The following MBNL2 variants were observed in gnomAD, a reference collection of about 807,000 sequenced individuals.
MBNL2 encodes muscleblind-like protein 2.
MBNL2 carries 17 observed loss-of-function variants against 41.9 expected under a neutral mutation model. That is an observed-to-expected ratio of 0.41 (90% CI 0.28 to 0.61). MBNL2 has a LOEUF of 0.61. MBNL2 is among the 20% of genes least tolerant of loss of function. MBNL2 has a pLI of 0.35. For synonymous variants in MBNL2, 195 were observed against 182.9 expected, an observed-to-expected ratio of 1.07 and a Z score of -0.53; for missense variants, 336 against 505.6, an observed-to-expected ratio of 0.66 and a Z score of 3.22.
At chr13:97,146,293 G>A in the MBNL2 span, among the ~76,000 whole-genome samples, 1,071 of 151,980 alleles carry the variant, frequency 7.0e-3, 4 homozygotes, top group Non-Finnish European at 0.012. Context: ...GAGCCATCGC[G>A]CCCAGCAGGT....
At chr13:97,336,293 A>G (rs953824902) in intron 3 of MBNL2, among the ~76,000 whole-genome samples, 14 of 152,152 alleles carry the variant, frequency 9.2e-5, no homozygotes, top group Non-Finnish European at 2.1e-4. Context: ...AAAATTACCA[A>G]CTCTACAAAC....
the MBNL2 span, among the ~76,000 whole-genome samples, chr13:97,168,117 C>T: frequency 0.016 from 2,457 of 152,180 alleles, 79 homozygotes; most frequent in African/African-American, 0.055. Flanking sequence ...AGGCATGTGC[C>T]ACCATGCCCA....
rs2061660888 is a variant in MBNL2 at position 97,344,258 on chromosome 13, CAGAGCTGT to C, written c.540+1046_540+1053del. Among the ~76,000 whole-genome samples the C allele has an allele frequency of 3.9e-5, 6 of 152,328 alleles. No individual in the cohort carries two copies. The South Asian group carries it at 1.2e-3, about 32-fold the overall frequency. On this transcript the variant is annotated intron_variant, in intron 4 of 8. Coordinates refer to ENST00000679496, the MANE Select transcript of MBNL2 (RefSeq NM_001382683.1). ...TTGTTGGGTAAAATTTCTCTTTAAT[CAGAGCTGT>C]AGAACTCATCTATGTATCTTACTGC... is the stretch of plus-strand genomic sequence containing the variant.
chr13:97,203,947 T>C, the MBNL2 span, among the ~76,000 whole-genome samples: 45 of 151,884 alleles, frequency 3.0e-4, no homozygotes, highest in Non-Finnish European at 5.6e-4. Flanking sequence ...GACAGACGGA[T>C]GGATGGACAG....
At chr13:97,363,357 G>A (rs2063573557) in intron 7 of MBNL2, among the ~76,000 whole-genome samples, 1 of 152,068 alleles carries the variant, frequency 6.6e-6, no homozygotes, top group Non-Finnish European at 1.5e-5. Context: ...CCAGCATAGA[G>A]AGGGTGAGGG....
At chr13:97,304,837 A>G (rs916499326) in intron 2 of MBNL2, among the ~76,000 whole-genome samples, 3 of 152,252 alleles carry the variant, frequency 2.0e-5, no homozygotes, top group Admixed American at 6.5e-5. Context: ...GAATTAAAAT[A>G]ATAAGTTCTA....
At chr13:97,201,621 T>C in the MBNL2 span, among the ~76,000 whole-genome samples, 1 of 152,222 alleles carries the variant, frequency 6.6e-6, no homozygotes, top group African/African-American at 2.4e-5. Flanking sequence ...TCATTATAAT[T>C]TTTTGGAGCT....
chr13:97,312,841 T>G (rs1040700792), intron 2 of MBNL2, among the ~76,000 whole-genome samples: 1 of 152,240 alleles, frequency 6.6e-6, no homozygotes, highest in Non-Finnish European at 1.5e-5. Context: ...CAAAAATTAC[T>G]GTGAATTCAA....
the MBNL2 span, among the ~76,000 whole-genome samples, chr13:97,187,288 G>A: frequency 9.9e-5 from 15 of 152,000 alleles, no homozygotes; most frequent in African/African-American, 3.4e-4. Context: ...AAGTAATAGA[G>A]ACATATAATA....
intron 1 of MBNL2, among the ~76,000 whole-genome samples, chr13:97,233,593 C>G (rs749348377): frequency 5.3e-5 from 8 of 151,752 alleles, no homozygotes; most frequent in Non-Finnish European, 1.2e-4. Context: ...CATTTGAAGC[C>G]TCAAGTATCA....
chr13:97,324,233 A>G (rs1374976851), intron 2 of MBNL2, among the ~76,000 whole-genome samples: 1 of 152,152 alleles, frequency 6.6e-6, no homozygotes, highest in African/African-American at 2.4e-5. Context: ...CATGGCATTG[A>G]TCACTCTATT....
chr13:97,285,762 T>C (rs750860399), intron 2 of MBNL2, among the ~76,000 whole-genome samples: 1 of 150,842 alleles, frequency 6.6e-6, no homozygotes, highest in Non-Finnish European at 1.5e-5. Flanking sequence ...GCACAGTGAA[T>C]TTATCAACTG....
chr13:97,197,875 G>A, the MBNL2 span, among the ~76,000 whole-genome samples: 2 of 152,140 alleles, frequency 1.3e-5, no homozygotes, highest in Non-Finnish European at 2.9e-5. Flanking sequence ...CTATGGCTGT[G>A]TACTGAGCTC....
intron 1 of MBNL2, among the ~76,000 whole-genome samples, chr13:97,250,351 T>A (rs2046289162): frequency 6.6e-6 from 1 of 152,214 alleles, no homozygotes; most frequent in Non-Finnish European, 1.5e-5. Context: ...TGGTTTCCTC[T>A]CATTCCTTTC....
At chr13:97,245,454 C>CT (rs2045276564) in intron 1 of MBNL2, among the ~76,000 whole-genome samples, 1 of 152,166 alleles carries the variant, frequency 6.6e-6, no homozygotes, top group Non-Finnish European at 1.5e-5. Flanking sequence ...AGTCATCCCC[C>CT]GTCTTCTCCC....
the MBNL2 span, among the ~76,000 whole-genome samples, chr13:97,144,446 T>TTTTTTTTTA: frequency 4.5e-5 from 5 of 111,724 alleles, no homozygotes; most frequent in South Asian, 2.8e-4. Context: ...TTTTTTTTTT[T>TTTTTTTTTA]GAGACAGAGT....
intron 8 of MBNL2, among the ~76,000 whole-genome samples, chr13:97,370,411 T>C (rs983540888): frequency 6.6e-6 from 1 of 152,164 alleles, no homozygotes; most frequent in Non-Finnish European, 1.5e-5. Context: ...GGCTCATGTC[T>C]GTAATCCCAG....
the MBNL2 span, among the ~76,000 whole-genome samples, chr13:97,148,776 T>C: frequency 6.6e-6 from 1 of 152,256 alleles, no homozygotes; most frequent in African/African-American, 2.4e-5. Context: ...TGAATGTCGT[T>C]CATAAGATGT....
At chr13:97,353,687 A>C (rs1048415696) in intron 5 of MBNL2, among the ~76,000 whole-genome samples, 1 of 152,238 alleles carries the variant, frequency 6.6e-6, no homozygotes, top group Non-Finnish European at 1.5e-5. Context: ...AAACATGAGA[A>C]TAAGACAGAC....
Sources: gnomAD v4.1 joint callset for allele counts (sites outside exome capture counted in the v4.1 genomes callset) on GRCh38, gnomAD v4.1.1 for gene constraint, MANE v1.5 for transcripts, NCBI Gene and HGNC (gene_info 2026-07-23, HGNC 2026-07-21) for gene names.